The following SATL1 variants were observed in gnomAD, a reference collection of about 807,000 sequenced individuals.
SATL1 encodes the protein spermidine/spermine N1-acetyl transferase like 1.
SATL1 carries 47 observed loss-of-function variants against 51.8 expected under a neutral mutation model. That is an observed-to-expected ratio of 0.91 (90% CI 0.72 to 1.16). SATL1 has a LOEUF of 1.16. Ranked by LOEUF, SATL1 falls within the 50% of genes most tolerant of loss-of-function variation. SATL1 has a pLI of 0.00. For missense variants in SATL1, 520 were observed against 526.4 expected, an observed-to-expected ratio of 0.99 and a Z score of 0.12; for synonymous variants, 176 against 182.4, an observed-to-expected ratio of 0.97 and a Z score of 0.28.
At chrX:85,213,605 C>CA (rs1927974963) in intron 2 of SATL1, among the ~76,000 whole-genome samples, 1 of 111,138 alleles carries the variant, frequency 9.0e-6, no homozygotes, top group Non-Finnish European at 1.9e-5. Context: ...AACATTCCTC[C>CA]AAAAAACCGC....
intron 2 of SATL1, among the ~76,000 whole-genome samples, chrX:85,206,557 C>T (rs1312630272): frequency 9.0e-6 from 1 of 111,328 alleles, no homozygotes; most frequent in Admixed American, 9.6e-5. Context: ...TGGTTGATAA[C>T]CTTGACAAAA....
rs145801638 is a variant in SATL1, at chrX:85,108,025, C to T, written c.944G>A (p.Gly315Asp). Reference protein sequence around the residue: ...GTNLPDINQPGMKQPGTWQLG... With the variant: ...GTNLPDINQPDMKQPGTWQLG... The stretch of plus-strand genomic sequence containing the variant: ...TTGCCATGTGCCTGGTTGTTTCATG[C>T]CAGGTTGGTTTATGTCTGGTAGGTT... The change falls in exon 3 of 8, where the codon GGC becomes GAC. Residue 315 changes from glycine (G) to aspartate (D), a missense_variant. Gly to Asp is a moderately conservative substitution (Grantham distance 94, BLOSUM62 -1). Transcript: ENST00000644105. The T allele has an allele frequency of 2.4e-3, 2,900 of 1,208,697 alleles. 50 individuals carry two copies. The African/African-American group carries it at 0.042, about 17-fold the overall frequency.
chrX:85,191,196 C>T (rs1455320621), intron 2 of SATL1, among the ~76,000 whole-genome samples: 4 of 111,216 alleles, frequency 3.6e-5, no homozygotes, highest in Non-Finnish European at 5.7e-5. Flanking sequence ...AATACTTCTA[C>T]ACACATAATA....
chrX:85,148,377 T>A (rs759004290), intron 2 of SATL1, among the ~76,000 whole-genome samples: 14 of 109,789 alleles, frequency 1.3e-4, no homozygotes, highest in African/African-American at 4.3e-4. Context: ...TGGAACCAAG[T>A]TGGAAAACAC....
At chrX:85,140,143 A>C (rs974058836) in intron 2 of SATL1, among the ~76,000 whole-genome samples, 1 of 111,489 alleles carries the variant, frequency 9.0e-6, no homozygotes, top group Admixed American at 9.5e-5. Flanking sequence ...ACTTCCATTA[A>C]CAATCTACAC....
chrX:85,202,669 G>A (rs1927710403), intron 2 of SATL1, among the ~76,000 whole-genome samples: 1 of 112,132 alleles, frequency 8.9e-6, no homozygotes, highest in African/African-American at 3.2e-5. Flanking sequence ...ATGCAGGTCA[G>A]CAATCACTTA....
chrX:85,158,622 T>TA (rs1926647476), intron 2 of SATL1, among the ~76,000 whole-genome samples: 1 of 111,821 alleles, frequency 8.9e-6, no homozygotes, highest in South Asian at 3.7e-4. Flanking sequence ...AACAATTATA[T>TA]TGGGGGAATA....
At chrX:85,178,661 AAAAC>A (rs1343621495) in intron 2 of SATL1, among the ~76,000 whole-genome samples, 1 of 110,606 alleles carries the variant, frequency 9.0e-6, no homozygotes, top group Non-Finnish European at 1.9e-5. Context: ...AAAAAACAAA[AAAAC>A]AAACCTCTAG....
At chrX:85,094,312 TTTGTTTAA>T in intron 5 of SATL1, 83 bp from the exon 6 acceptor site, 2 of 532,696 alleles carry the variant, frequency 3.8e-6, no homozygotes, top group South Asian at 5.9e-5. Flanking sequence ...TCTTTTGGCG[TTTGTTTAA>T]CTATTAAAGT....
rs966832053 is a variant in SATL1 at position 85,195,888 on chromosome X, C to G, written c.-313+28317G>C. Among the ~76,000 whole-genome samples the G allele has an allele frequency of 2.7e-5, 3 of 110,705 alleles. No homozygotes were observed. In the Admixed American group the frequency reaches 2.9e-4, roughly 11 times the overall value. On this transcript the variant is annotated intron_variant, in intron 2 of 7. Coordinates refer to ENST00000644105, the MANE Select transcript of SATL1 (RefSeq NM_001367857.2). ...AGAGCACGTTCAGAACTGCATTTGA[C>G]AAAAGATCACTATGAGAACATGTGA...
chrX:85,122,011 T>C (rs1447665420), intron 2 of SATL1, among the ~76,000 whole-genome samples: 1 of 104,609 alleles, frequency 9.6e-6, no homozygotes, highest in Non-Finnish European at 2.0e-5. Flanking sequence ...AGTTTAAAAA[T>C]AACTAAATAG....
chrX:85,229,840 A>C (rs924752672), intron 1 of SATL1, among the ~76,000 whole-genome samples: 5 of 112,006 alleles, frequency 4.5e-5, no homozygotes, highest in Non-Finnish European at 7.5e-5. Context: ...AATAGCGTCT[A>C]AAAGAATAAA....
chrX:85,200,758 GT>G (rs1050620437), intron 2 of SATL1, among the ~76,000 whole-genome samples: 20 of 110,264 alleles, frequency 1.8e-4, no homozygotes, highest in South Asian at 3.8e-4. Context: ...GTATAAAAAA[GT>G]TTTTTTTAAA....
In SATL1 at chrX:85,163,088, T is replaced by G. The variant is rs541979616; in HGVS notation, c.-312-53808A>C. On this transcript the variant is annotated intron_variant, in intron 2 of 7. Coordinates refer to ENST00000644105, the MANE Select transcript of SATL1 (RefSeq NM_001367857.2). The stretch of plus-strand genomic sequence containing the variant: ...TGATTTAGGGAGGATTCCCTCTTTC[T>G]CTACCTTTTGGAACAGTTTCAGTAG... Among the ~76,000 whole-genome samples, 48 of 110,629 alleles carry G rather than the reference T, an allele frequency of 4.3e-4. 1 individual carries two copies. The South Asian group carries it at 0.019, about 43-fold the overall frequency.
At chrX:85,198,313 A>T (rs746194725) in intron 2 of SATL1, among the ~76,000 whole-genome samples, 1 of 111,769 alleles carries the variant, frequency 8.9e-6, no homozygotes, top group East Asian at 2.8e-4. Flanking sequence ...CGACTCTTGG[A>T]TATCTTGATT....
chrX:85,227,257 T>C (rs1268917482), intron 1 of SATL1, among the ~76,000 whole-genome samples: 3 of 111,778 alleles, frequency 2.7e-5, no homozygotes, highest in Non-Finnish European at 5.7e-5. Flanking sequence ...CTAAAATCTC[T>C]AATATTTCCT....
intron 2 of SATL1, among the ~76,000 whole-genome samples, chrX:85,141,766 C>G (rs890051618): frequency 1.8e-5 from 2 of 109,270 alleles, no homozygotes; most frequent in Admixed American, 9.8e-5. Context: ...TGTCAAAAAC[C>G]AATGGATTTT....
intron 4 of SATL1, among the ~76,000 whole-genome samples, chrX:85,097,077 G>T (rs1924748699): frequency 1.8e-5 from 2 of 111,660 alleles, no homozygotes; most frequent in African/African-American, 6.5e-5. Context: ...ACAACATGGG[G>T]TGGAACTGTG....
chrX:85,179,147 A>G (rs916808438), intron 2 of SATL1, among the ~76,000 whole-genome samples: 2 of 111,963 alleles, frequency 1.8e-5, no homozygotes, highest in African/African-American at 6.5e-5. Flanking sequence ...TATTTTGTTA[A>G]ATTCAAATTT....
Sources: allele counts gnomAD v4.1 joint callset (sites outside exome capture counted in the v4.1 genomes callset), GRCh38; gene constraint gnomAD v4.1.1; transcripts MANE v1.5; gene names NCBI Gene and HGNC (gene_info 2026-07-23, HGNC 2026-07-21).